Variants in AR observed in about 807,000 individuals in gnomAD.
AR encodes the protein androgen receptor.
AR carries 8 observed loss-of-function variants against 53.9 expected under a neutral mutation model. The observed-to-expected ratio is 0.15, with a 90% CI of 0.09 to 0.27. AR has a LOEUF of 0.27. Among genes scored for constraint, AR ranks in the 10% least tolerant of loss-of-function variants. The pLI is 1.00. For synonymous variants in AR, 359 were observed against 316.4 expected (o/e 1.13, Z -1.43); for missense variants, 639 against 742.5 (o/e 0.86, Z 1.62).
intron 2 of AR, 99 bp from the exon 3 acceptor site, chrX:67,685,911 G>T: frequency 8.7e-7 from 1 of 1,144,474 alleles, no homozygotes; most frequent in Non-Finnish European, 1.2e-6. Context: ...TCATGTGGTA[G>T]GATATAATTT....
At chrX:67,598,857 G>A (rs1056355832) in intron 1 of AR, among the ~76,000 whole-genome samples, 1 of 110,363 alleles carries the variant, frequency 9.1e-6, no homozygotes, top group African/African-American at 3.3e-5. Context: ...AAGCATGGTG[G>A]TGATTTATTC....
chrX:67,596,284 T>C (rs1923078653), intron 1 of AR, among the ~76,000 whole-genome samples: 1 of 109,935 alleles, frequency 9.1e-6, no homozygotes, highest in Admixed American at 9.7e-5. Context: ...GTATTCTTTA[T>C]AGCAAGGCAA....
intron 1 of AR, among the ~76,000 whole-genome samples, chrX:67,631,616 G>T (rs924953158): frequency 9.0e-6 from 1 of 110,591 alleles, no homozygotes; most frequent in African/African-American, 3.3e-5. Context: ...TAATTTGATT[G>T]TCTGAAGCCT....
intron 1 of AR, among the ~76,000 whole-genome samples, chrX:67,600,839 C>A (rs1923319805): frequency 9.1e-6 from 1 of 110,130 alleles, no homozygotes; most frequent in African/African-American, 3.3e-5. Flanking sequence ...ATTGTGTACT[C>A]ACAAAATTAA....
At chrX:67,717,157 A>C (rs1425139853) in intron 4 of AR, among the ~76,000 whole-genome samples, 1 of 112,211 alleles carries the variant, frequency 8.9e-6, no homozygotes, top group Non-Finnish European at 1.9e-5. Flanking sequence ...AGAGCAATCC[A>C]ATAGCAAAAG....
At chrX:67,695,389 C>T (rs904287067) in intron 3 of AR, 1 of 751,731 alleles carries the variant, frequency 1.3e-6, no homozygotes, top group African/African-American at 2.3e-5. Context: ...GCCAACCCCT[C>T]TCTTCAAACA....
At chrX:67,721,234 A>G (rs926572858) in intron 5 of AR, among the ~76,000 whole-genome samples, 1 of 112,103 alleles carries the variant, frequency 8.9e-6, no homozygotes, top group African/African-American at 3.2e-5. Context: ...TAACATTGGA[A>G]CTCGTTTTGA....
At chrX:67,659,532 A>G (rs977669180) in intron 2 of AR, among the ~76,000 whole-genome samples, 2 of 111,121 alleles carry the variant, frequency 1.8e-5, no homozygotes, top group Admixed American at 9.6e-5. Flanking sequence ...CCATGTCCCT[A>G]CAAAGGACAT....
chrX:67,644,090 G>C, intron 2 of AR, among the ~76,000 whole-genome samples: 1 of 112,378 alleles, frequency 8.9e-6, no homozygotes, highest in South Asian at 3.7e-4. Context: ...TCAAGCCCTA[G>C]CTCCTTAGTT....
intron 4 of AR, 106 bp downstream of exon 4, chrX:67,711,795 C>T (rs1339973710): frequency 1.7e-5 from 14 of 822,710 alleles, no homozygotes; most frequent in Non-Finnish European, 1.9e-5. Context: ...TTAACTCAGG[C>T]AGTCTTCATC....
rs192818545 is a variant in AR, at chrX:67,707,681, C to T, written c.1886-3721C>T. On this transcript the variant is annotated intron_variant, in intron 3 of 7. Coordinates refer to ENST00000374690, the MANE Select transcript of AR (RefSeq NM_000044.6). ...TTGTTATATGTGAATTTGATCCTGT[C>T]ATTGTGATGTTAGCTGGTTCTTTTG... Among the ~76,000 whole-genome samples the T allele has an allele frequency of 1.7e-4, 19 of 111,814 alleles. No homozygotes were observed. The East Asian group carries it at 5.1e-3, about 30-fold the overall frequency.
At chrX:67,704,859 C>G (rs1370893542) in intron 3 of AR, among the ~76,000 whole-genome samples, 1 of 112,200 alleles carries the variant, frequency 8.9e-6, no homozygotes, top group Non-Finnish European at 1.9e-5. Context: ...CAGCTTTCTA[C>G]ATATGGCTAA....
intron 2 of AR, among the ~76,000 whole-genome samples, chrX:67,672,327 C>T (rs1008971466): frequency 6.3e-5 from 7 of 111,085 alleles, no homozygotes; most frequent in African/African-American, 2.3e-4. Flanking sequence ...TGGAGAGTTT[C>T]GTCCATTTAG....
At chrX:67,663,819 C>T (rs1927094120) in intron 2 of AR, among the ~76,000 whole-genome samples, 1 of 111,897 alleles carries the variant, frequency 8.9e-6, no homozygotes, top group Admixed American at 9.5e-5. Context: ...AGGCTTTGTT[C>T]ATTTCTTTTT....
chrX:67,700,409 G>A (rs1243073470), intron 3 of AR, among the ~76,000 whole-genome samples: 1 of 111,643 alleles, frequency 9.0e-6, no homozygotes, highest in Non-Finnish European at 1.9e-5. Context: ...AGTAACAGCT[G>A]AGACTAGCAA....
At chrX:67,636,019 A>T (rs986233354) in intron 1 of AR, among the ~76,000 whole-genome samples, 1 of 111,588 alleles carries the variant, frequency 9.0e-6, no homozygotes, top group Non-Finnish European at 1.9e-5. Context: ...GAATACATGT[A>T]ATATATAATT....
At position 67,583,533 on chromosome X, in the gene AR, A is replaced by G. The variant is rs773346915; in HGVS notation, c.1616+36771A>G. ...AGTCTGTGTTTGTGCTAATGGAGTGATTTGAGAGGTAGTTCTCCACTGTCA... is the reference window on the plus strand; with the variant it reads ...AGTCTGTGTTTGTGCTAATGGAGTGGTTTGAGAGGTAGTTCTCCACTGTCA... On this transcript the variant is annotated intron_variant, in intron 1 of 7. Transcript: ENST00000374690. Among the ~76,000 whole-genome samples the G allele has an allele frequency of 4.5e-5, 5 of 111,672 alleles. No homozygotes were observed. The Admixed American group carries it at 4.8e-4, about 11-fold the overall frequency.
At chrX:67,660,177 G>A (rs1421231400) in intron 2 of AR, among the ~76,000 whole-genome samples, 2 of 112,142 alleles carry the variant, frequency 1.8e-5, no homozygotes, top group African/African-American at 6.5e-5. Flanking sequence ...TGTTCACTCT[G>A]ATGGTAGTTT....
intron 4 of AR, among the ~76,000 whole-genome samples, chrX:67,713,678 C>T (rs200409209): frequency 9.8e-5 from 11 of 112,121 alleles, no homozygotes; most frequent in African/African-American, 2.3e-4. Context: ...CCTAGACCTT[C>T]GGGTTTCTAA....
Sources: gnomAD v4.1 joint callset for allele counts (sites outside exome capture counted in the v4.1 genomes callset) on GRCh38, gnomAD v4.1.1 for gene constraint, MANE v1.5 for transcripts, NCBI Gene and HGNC (gene_info 2026-07-23, HGNC 2026-07-21) for gene names.